ZCCHC7: variants seen among roughly 807,000 people sequenced by gnomAD.
ZCCHC7 encodes the protein zinc finger CCHC domain-containing protein 7.
Under a neutral mutation model 52.0 loss-of-function variants are expected in ZCCHC7, and 35 were observed. The observed-to-expected ratio is 0.67, with a 90% confidence interval of 0.51 to 0.89. The LOEUF is 0.89. ZCCHC7 is among the 40% of genes least tolerant of loss of function. ZCCHC7 has a pLI of 0.00. For missense variants in ZCCHC7, 574 were observed against 649.1 expected (o/e 0.88, Z 1.26); for synonymous variants, 217 against 221.5 (o/e 0.98, Z 0.18).
At chr9:37,265,622 C>G (rs2133467893) in intron 2 of ZCCHC7, among the ~76,000 whole-genome samples, 1 of 152,266 alleles carries the variant, frequency 6.6e-6, no homozygotes, top group Non-Finnish European at 1.5e-5. Flanking sequence ...GTAGTTGAAA[C>G]CCTTATCTCT....
chr9:37,307,632 T>C (rs1314120548), intron 5 of ZCCHC7, among the ~76,000 whole-genome samples: 1 of 152,220 alleles, frequency 6.6e-6, no homozygotes, highest in Non-Finnish European at 1.5e-5. Flanking sequence ...ACCTATAGTC[T>C]TTTTTCTTAC....
chr9:37,202,253 T>G (rs959724803), intron 2 of ZCCHC7, among the ~76,000 whole-genome samples: 1 of 152,230 alleles, frequency 6.6e-6, no homozygotes, highest in African/African-American at 2.4e-5. Flanking sequence ...ATAACATGCA[T>G]GTACAATAGT....
intron 2 of ZCCHC7, among the ~76,000 whole-genome samples, chr9:37,150,971 T>G (rs1197597268): frequency 6.8e-6 from 1 of 146,682 alleles, no homozygotes; most frequent in Non-Finnish European, 1.5e-5. Context: ...TTTTTGTTTT[T>G]TTTTTTTTTT....
intron 2 of ZCCHC7, among the ~76,000 whole-genome samples, chr9:37,130,169 T>G (rs1842713234): frequency 6.9e-6 from 1 of 144,094 alleles, no homozygotes; most frequent in East Asian, 2.0e-4. Context: ...ACCCAGGAGG[T>G]GGAGGTTGCA....
Position 37,217,831 on chromosome 9 carries a change from C to T in ZCCHC7, c.611-84357C>T, listed in dbSNP as rs73646334. Among the ~76,000 whole-genome samples, 276 of 152,230 alleles carry T rather than the reference C, an allele frequency of 1.8e-3. 1 individual carries two copies. The highest frequency in any genetic ancestry group is 6.4e-3 in the African/African-American group (265 of 41,542). ...TATTTTAGAGTCAGAGGTAATCCTA[C>T]TCTGGATATGAAGATAAATCATTTT... On this transcript the variant is annotated intron_variant, in intron 2 of 8. Transcript: ENST00000336755.
chr9:37,188,156 T>A (rs74776420), intron 2 of ZCCHC7, among the ~76,000 whole-genome samples: 7,574 of 152,116 alleles, frequency 0.05, 619 homozygotes, highest in African/African-American at 0.17. Context: ...TTATTTTTAT[T>A]TTTTTGTTTT....
At chr9:37,343,985 T>G (rs1394667195) in intron 6 of ZCCHC7, among the ~76,000 whole-genome samples, 1 of 152,206 alleles carries the variant, frequency 6.6e-6, no homozygotes, top group Non-Finnish European at 1.5e-5. Flanking sequence ...TTGCAAACTA[T>G]TCTGTGGTGA....
intron 2 of ZCCHC7, among the ~76,000 whole-genome samples, chr9:37,236,286 A>T (rs78726533): frequency 0.042 from 6,360 of 152,244 alleles, 205 homozygotes; most frequent in Non-Finnish European, 0.061. Flanking sequence ...ACTTTATTGT[A>T]TAGAACTAGA....
At chr9:37,182,329 A>T (rs1460337937) in intron 2 of ZCCHC7, among the ~76,000 whole-genome samples, 1 of 151,374 alleles carries the variant, frequency 6.6e-6, no homozygotes, top group African/African-American at 2.4e-5. Context: ...TCTTCTAATG[A>T]TTACAGTTGT....
intron 2 of ZCCHC7, chr9:37,160,290 A>G (rs1161230335): frequency 6.6e-6 from 1 of 152,192 alleles, no homozygotes; most frequent in African/African-American, 2.4e-5. Flanking sequence ...CAGAAGGATC[A>G]TTTGAGCCCA....
At chr9:37,194,532 G>A (rs1291732577) in intron 2 of ZCCHC7, among the ~76,000 whole-genome samples, 2 of 152,192 alleles carry the variant, frequency 1.3e-5, no homozygotes, top group East Asian at 3.9e-4. Flanking sequence ...ACAGACTCTA[G>A]TGGCACTGGG....
intron 6 of ZCCHC7, among the ~76,000 whole-genome samples, chr9:37,345,034 GCTTT>G (rs1820874656): frequency 6.6e-6 from 1 of 152,166 alleles, no homozygotes; most frequent in African/African-American, 2.4e-5. Context: ...TTCTTCAGCA[GCTTT>G]CTACTTATAA....
chr9:37,142,695 T>C (rs1433753105), intron 2 of ZCCHC7, among the ~76,000 whole-genome samples: 1 of 151,792 alleles, frequency 6.6e-6, no homozygotes, highest in African/African-American at 2.4e-5. Flanking sequence ...TTGATTATAG[T>C]TATATAGGCT....
chr9:37,187,372 A>G (rs780085480), intron 2 of ZCCHC7, among the ~76,000 whole-genome samples: 5 of 152,238 alleles, frequency 3.3e-5, no homozygotes, highest in South Asian at 2.1e-4. Context: ...TCGCATGTGC[A>G]GTTCACAATA....
intron 6 of ZCCHC7, among the ~76,000 whole-genome samples, chr9:37,339,136 T>G (rs1356316604): frequency 6.6e-6 from 1 of 152,178 alleles, no homozygotes; most frequent in Non-Finnish European, 1.5e-5. Flanking sequence ...CAATGTCCAC[T>G]AGAATACAGG....
At chr9:37,170,038 C>A (rs1434047963) in intron 2 of ZCCHC7, among the ~76,000 whole-genome samples, 2 of 150,766 alleles carry the variant, frequency 1.3e-5, no homozygotes, top group Non-Finnish European at 2.9e-5. Context: ...CAATCCTTGG[C>A]TGCAAAGTGA....
At chr9:37,331,811 A>G (rs951814979) in intron 6 of ZCCHC7, among the ~76,000 whole-genome samples, 1 of 151,478 alleles carries the variant, frequency 6.6e-6, no homozygotes, top group Non-Finnish European at 1.5e-5. Flanking sequence ...TGTAAAAACC[A>G]TAATAACCCC....
At chr9:37,292,358 G>GTACT (rs1318056953) in intron 2 of ZCCHC7, among the ~76,000 whole-genome samples, 2 of 152,184 alleles carry the variant, frequency 1.3e-5, no homozygotes, top group African/African-American at 4.8e-5. Context: ...GAGAGATGAA[G>GTACT]TACTGGTGGC....
chr9:37,155,206 A>G (rs1316092537), intron 2 of ZCCHC7, among the ~76,000 whole-genome samples: 1 of 152,034 alleles, frequency 6.6e-6, no homozygotes, highest in East Asian at 1.9e-4. Flanking sequence ...TAAAAATACA[A>G]AAAAATTAGC....
Sources: allele counts gnomAD v4.1 joint callset (sites outside exome capture counted in the v4.1 genomes callset), GRCh38; gene constraint gnomAD v4.1.1; transcripts MANE v1.5; gene names NCBI Gene and HGNC (gene_info 2026-07-23, HGNC 2026-07-21).